DNAH17: variants seen among roughly 807,000 people sequenced by gnomAD.
DNAH17 encodes the protein dynein axonemal heavy chain 17.
DNAH17 carries 376 observed loss-of-function variants against 485.6 expected under a neutral mutation model. That is an observed-to-expected ratio of 0.77 (90% confidence interval 0.71 to 0.84). The LOEUF is 0.84. DNAH17 is among the 40% of genes least tolerant of loss of function. The pLI is 0.00. For missense variants in DNAH17, 6,370 were observed against 5,839.3 expected, an observed-to-expected ratio of 1.09 and a Z score of -2.96; for synonymous variants, 3,031 against 2,405.9, an observed-to-expected ratio of 1.26 and a Z score of -7.60.
At position 78,451,574 on chromosome 17, in the gene DNAH17, C is replaced by T. The variant is rs1333541760; in HGVS notation, c.10629G>A (p.Gln3543=). Residue 3543 remains glutamine, a synonymous_variant, in exon 66 of 81, where the codon CAG becomes CAA. Coordinates refer to ENST00000389840, the MANE Select transcript of DNAH17 (RefSeq NM_173628.4). ...GGAAGTTGATGAGGGTGCACTGAGCCTGCATCTCTGGCTTGTAGTGTGGGT... is the reference window on the plus strand; with the variant it reads ...GGAAGTTGATGAGGGTGCACTGAGCTTGCATCTCTGGCTTGTAGTGTGGGT... ...YFNPHYKPEM[Q]AQCTLINFLV... The T allele has an allele frequency of 1.2e-6, 2 of 1,613,388 alleles. No individual in the cohort carries two copies. Among genetic ancestry groups the T allele is most frequent in the Non-Finnish European group, 1.7e-6 (2 of 1,179,642 alleles).
rs369372654 is a variant in DNAH17, at chr17:78,426,147, C to T, written c.12915+310G>A. Among the ~76,000 whole-genome samples, 9 of 152,280 alleles carry T rather than the reference C, an allele frequency of 5.9e-5. 1 individual carries two copies. The East Asian group carries it at 7.7e-4, about 13-fold the overall frequency. ...TCCTGTTTGTGGATAATTTAGGAGCCCAAAGAGGCTCTTGCCTTCATTGCC... is the reference window on the plus strand; with the variant it reads ...TCCTGTTTGTGGATAATTTAGGAGCTCAAAGAGGCTCTTGCCTTCATTGCC... On this transcript the variant is annotated intron_variant, in intron 79 of 80. Transcript: ENST00000389840.
chr17:78,431,344 C>T (rs1279138809), intron 75 of DNAH17, among the ~76,000 whole-genome samples: 1 of 152,184 alleles, frequency 6.6e-6, no homozygotes, highest in East Asian at 1.9e-4. Context: ...GCAGGAAGAC[C>T]TGTGCCCCTC....
intron 51 of DNAH17, among the ~76,000 whole-genome samples, chr17:78,477,490 C>T (rs945977907): frequency 3.9e-5 from 6 of 152,276 alleles, no homozygotes; most frequent in African/African-American, 1.4e-4. Flanking sequence ...GTGATTCTCA[C>T]ATCAGCCTCC....
chr17:78,503,089 GT>G, intron 31 of DNAH17, 78 bp from the exon 32 acceptor site: 1 of 1,398,270 alleles, frequency 7.2e-7, no homozygotes, highest in Non-Finnish European at 9.4e-7. Flanking sequence ...TGTATTTGTT[GT>G]AAAGAAAAAC....
At chr17:78,561,372 GC>G (rs1373556677) in intron 12 of DNAH17, among the ~76,000 whole-genome samples, 1 of 152,106 alleles carries the variant, frequency 6.6e-6, no homozygotes, top group Non-Finnish European at 1.5e-5. Context: ...CCACCGTGAA[GC>G]CTCCCCGGCC....
At chr17:78,519,959 A>C (rs1404607213) in intron 25 of DNAH17, among the ~76,000 whole-genome samples, 2 of 152,036 alleles carry the variant, frequency 1.3e-5, no homozygotes, top group Non-Finnish European at 2.9e-5. Flanking sequence ...AAAATACAAA[A>C]AATTAGCTGG....
At chr17:78,449,626 G>A (rs1348298767) in intron 68 of DNAH17, 42 bp from the exon 69 acceptor site, 1 of 1,557,136 alleles carries the variant, frequency 6.4e-7, no homozygotes, top group South Asian at 1.2e-5. Context: ...GTGCAGAGAT[G>A]GAGCCCTTCA....
At chr17:78,538,447 A>T (rs2091436240) in intron 18 of DNAH17, among the ~76,000 whole-genome samples, 1 of 152,176 alleles carries the variant, frequency 6.6e-6, no homozygotes, top group South Asian at 2.1e-4. Context: ...GTGGCCACTG[A>T]TCTCCCCCTG....
At chr17:78,540,354 T>C (rs1289338250) in intron 17 of DNAH17, among the ~76,000 whole-genome samples, 1 of 128,438 alleles carries the variant, frequency 7.8e-6, no homozygotes, top group Admixed American at 7.9e-5. Context: ...GTGGGGTGGG[T>C]GGATGGACAG....
intron 48 of DNAH17, among the ~76,000 whole-genome samples, chr17:78,483,757 A>AGAC (rs1452987694): frequency 7.9e-5 from 12 of 152,326 alleles, no homozygotes; most frequent in African/African-American, 2.9e-4. Context: ...ATGAACGAGC[A>AGAC]GACTAGTTTC....
At position 78,569,462 on chromosome 17, in the gene DNAH17, C is replaced by G; in HGVS notation, c.1110G>C (p.Leu370=). 1 of 1,611,820 alleles carries G rather than the reference C, an allele frequency of 6.2e-7. No individual in the cohort carries two copies. The highest frequency in any genetic ancestry group is 1.3e-5 in the African/African-American group (1 of 75,030). ...KGLQGEIEEV[L]SGISLAVNVL... is the part of the protein sequence containing the mutation. Reference sequence around the variant, plus strand: ...CATTTACAGCCAGGGAGATGCCACTCAGGACTTCCTCGATTTCACCTTGCA... The same window carrying G: ...CATTTACAGCCAGGGAGATGCCACTGAGGACTTCCTCGATTTCACCTTGCA... The change falls in exon 8 of 81, where the codon CTG becomes CTC. Residue 370 remains leucine (L), a synonymous_variant. Coordinates refer to ENST00000389840, the MANE Select transcript of DNAH17 (RefSeq NM_173628.4).
At chr17:78,535,212 G>A (rs1411759771) in intron 19 of DNAH17, among the ~76,000 whole-genome samples, 1 of 152,204 alleles carries the variant, frequency 6.6e-6, no homozygotes, top group Non-Finnish European at 1.5e-5. Flanking sequence ...TGGGGACAGT[G>A]GGAGGGGCAC....
intron 56 of DNAH17, 99 bp from the exon 57 acceptor site, chr17:78,463,176 T>C (rs1032892267): frequency 5.5e-6 from 6 of 1,094,366 alleles, no homozygotes; most frequent in Non-Finnish European, 8.1e-6. Context: ...CAAGGTGCCC[T>C]GAGACCGCTC....
chr17:78,445,261 G>GGCTGGGGGGC (rs2087236510), intron 70 of DNAH17, among the ~76,000 whole-genome samples: 1 of 149,424 alleles, frequency 6.7e-6, no homozygotes, highest in African/African-American at 2.5e-5. Flanking sequence ...GGTTGAGGGA[G>GGCTGGGGGGC]GGATGGTAAG....
intron 51 of DNAH17, among the ~76,000 whole-genome samples, chr17:78,477,365 A>C (rs1266015239): frequency 7.5e-5 from 11 of 147,102 alleles, no homozygotes; most frequent in Non-Finnish European, 1.6e-4. Flanking sequence ...ATTTGGGCTG[A>C]TACTTTATTT....
At chr17:78,563,447 G>A (rs9907431) in intron 11 of DNAH17, among the ~76,000 whole-genome samples, 39,865 of 151,804 alleles carry the variant, frequency 0.26, 5,425 homozygotes, top group African/African-American at 0.29. Context: ...CCTGTAATGC[G>A]GGTAGATGTT....
intron 18 of DNAH17, among the ~76,000 whole-genome samples, chr17:78,538,987 C>T (rs960148308): frequency 6.6e-6 from 1 of 152,196 alleles, no homozygotes; most frequent in Non-Finnish European, 1.5e-5. Context: ...AATCCCAGCA[C>T]TTTGGGAGGC....
In DNAH17 at chr17:78,494,590, G is replaced by T. The variant is rs760950743; in HGVS notation, c.6270+3C>A. ...GACAGACCTGAGACCCAGGAGTCCC[G>T]ACCTTTTCAAAATTCAGGTCCCGTT... On this transcript the variant is annotated splice_donor_region_variant and intron_variant, in intron 40 of 80. Coordinates refer to ENST00000389840, the MANE Select transcript of DNAH17 (RefSeq NM_173628.4). The T allele has an allele frequency of 6.2e-7, 1 of 1,613,406 alleles. No individual in the cohort carries two copies.
chr17:78,471,538 C>G (rs765887280), intron 54 of DNAH17, among the ~76,000 whole-genome samples: 1 of 152,120 alleles, frequency 6.6e-6, no homozygotes, highest in Non-Finnish European at 1.5e-5. Context: ...TCTGACTTTA[C>G]TTTTTTAGAG....
Sources: gnomAD v4.1 joint callset for allele counts (sites outside exome capture counted in the v4.1 genomes callset) on GRCh38, gnomAD v4.1.1 for gene constraint, MANE v1.5 for transcripts, NCBI Gene and HGNC (gene_info 2026-07-23, HGNC 2026-07-21) for gene names.